Variants in MAGED1 observed in about 807,000 individuals in gnomAD.
MAGED1 encodes MAGE family member D1, also known as melanoma-associated antigen D1.
Under a neutral mutation model 54.1 loss-of-function variants are expected in MAGED1, and 3 were observed. The ratio of observed to expected loss-of-function variants is 0.06; its 90% CI spans 0.03 to 0.14. MAGED1 has a LOEUF of 0.14. Among genes scored for constraint, MAGED1 ranks in the 10% least tolerant of loss-of-function variants. The probability of loss-of-function intolerance (pLI) is 1.00; values close to 1 mark genes in which losing one functional copy is unlikely to be tolerated. For synonymous variants in MAGED1, 217 were observed against 227.3 expected, an observed-to-expected ratio of 0.95 and a Z score of 0.41; for missense variants, 485 against 623.4, an observed-to-expected ratio of 0.78 and a Z score of 2.36.
At chrX:51,888,994 C>G (rs942213240), upstream of MAGED1, among the ~76,000 whole-genome samples, 1 of 111,311 alleles carries the variant, frequency 9.0e-6, no homozygotes, top group African/African-American at 3.3e-5. Context: ...TTGGTTGTGA[C>G]TATAATGGGG....
chrX:51,864,278 T>C (rs1345752453), intron 1 of MAGED1, among the ~76,000 whole-genome samples: 2 of 111,197 alleles, frequency 1.8e-5, no homozygotes, highest in Non-Finnish European at 3.8e-5. Context: ...ACACCATTTG[T>C]TGAAGAAACT....
chrX:51,833,548 T>G (rs1926143952), intron 1 of MAGED1, among the ~76,000 whole-genome samples: 1 of 111,781 alleles, frequency 8.9e-6, no homozygotes, highest in African/African-American at 3.2e-5. Flanking sequence ...ATTCTTAATC[T>G]ATATAGGATA....
intron 1 of MAGED1, among the ~76,000 whole-genome samples, chrX:51,880,553 A>G (rs781917361): frequency 8.9e-6 from 1 of 111,899 alleles, no homozygotes; most frequent in South Asian, 3.8e-4. Context: ...GATAATACCC[A>G]TACCTGCAGA....
At chrX:51,888,277 T>C (rs190135882) in intron 1 of MAGED1, among the ~76,000 whole-genome samples, 1 of 111,739 alleles carries the variant, frequency 8.9e-6, no homozygotes, top group East Asian at 2.8e-4. Flanking sequence ...ATATACCTAC[T>C]ATGTACCCAC....
intron 1 of MAGED1, among the ~76,000 whole-genome samples, chrX:51,872,572 T>TTTACA (rs1387317780): frequency 1.8e-5 from 2 of 112,438 alleles, no homozygotes; most frequent in African/African-American, 6.5e-5. Flanking sequence ...TGTTTGAGTC[T>TTTACA]TTACAGTATC....
chrX:51,900,002 C>T (rs1230831161), intron 10 of MAGED1, 180 bp from the exon 11 acceptor site: 2 of 412,447 alleles, frequency 4.8e-6, no homozygotes, highest in East Asian at 4.5e-5. Flanking sequence ...GAGTGCTTAG[C>T]GTTCTAGTGC....
At chrX:51,868,793 G>A (rs1557361280) in intron 1 of MAGED1, among the ~76,000 whole-genome samples, 2 of 111,172 alleles carry the variant, frequency 1.8e-5, no homozygotes, top group Non-Finnish European at 1.9e-5. Flanking sequence ...TGGAAGATAG[G>A]TACATGATGG....
chrX:51,818,743 G>A (rs1925521822), intron 1 of MAGED1, among the ~76,000 whole-genome samples: 1 of 112,106 alleles, frequency 8.9e-6, no homozygotes, highest in Non-Finnish European at 1.9e-5. Flanking sequence ...ATTTTTACAG[G>A]TTCTTGAGCC....
At chrX:51,854,071 C>T (rs1189651025) in intron 1 of MAGED1, among the ~76,000 whole-genome samples, 1 of 111,674 alleles carries the variant, frequency 9.0e-6, no homozygotes, top group East Asian at 2.8e-4. Context: ...GTAAATGACT[C>T]GTGATTTTCT....
At chrX:51,810,506 T>C (rs1925181283) in intron 1 of MAGED1, among the ~76,000 whole-genome samples, 1 of 112,179 alleles carries the variant, frequency 8.9e-6, no homozygotes, top group Non-Finnish European at 1.9e-5. Context: ...CTTACTATCA[T>C]GTATCTGGTC....
intron 1 of MAGED1, among the ~76,000 whole-genome samples, chrX:51,811,467 C>G (rs1455621278): frequency 3.6e-5 from 4 of 111,838 alleles, no homozygotes; most frequent in Middle Eastern, 9.2e-3. Context: ...CTATGGTTTA[C>G]CAGTTGGGAA....
At chrX:51,888,680 C>T (rs181890940), upstream of MAGED1, among the ~76,000 whole-genome samples, 531 of 112,411 alleles carry the variant, frequency 4.7e-3, 3 homozygotes, top group African/African-American at 0.017. Flanking sequence ...TGTGTAGCAG[C>T]TTCATTCACA....
At chrX:51,847,150 C>T (rs929044169) in intron 1 of MAGED1, among the ~76,000 whole-genome samples, 3 of 111,824 alleles carry the variant, frequency 2.7e-5, no homozygotes, top group East Asian at 5.6e-4. Context: ...CATTTTACCA[C>T]ACTTTATTTC....
chrX:51,815,048 C>T (rs1041988693), intron 1 of MAGED1, among the ~76,000 whole-genome samples: 4 of 106,985 alleles, frequency 3.7e-5, no homozygotes, highest in Non-Finnish European at 5.8e-5. Flanking sequence ...GAGGCTGAGG[C>T]ATGAGAATCG....
intron 1 of MAGED1, among the ~76,000 whole-genome samples, chrX:51,833,442 G>A (rs1330411450): frequency 9.0e-6 from 1 of 111,073 alleles, no homozygotes; most frequent in Non-Finnish European, 1.9e-5. Context: ...TTTACATTAA[G>A]TACTACAGGG....
At chrX:51,811,229 C>T (rs1925206667) in intron 1 of MAGED1, among the ~76,000 whole-genome samples, 1 of 111,790 alleles carries the variant, frequency 8.9e-6, no homozygotes, top group African/African-American at 3.2e-5. Flanking sequence ...CTTCATCTCC[C>T]TTCATTCTTT....
At chrX:51,805,467 TG>T (rs1394616762) in intron 1 of MAGED1, among the ~76,000 whole-genome samples, 3 of 110,190 alleles carry the variant, frequency 2.7e-5, no homozygotes, top group Non-Finnish European at 5.7e-5. Context: ...TGTTTCTTAA[TG>T]AGAAATAAAA....
chrX:51,843,614 T>G (rs2146972491), intron 1 of MAGED1, among the ~76,000 whole-genome samples: 1 of 111,987 alleles, frequency 8.9e-6, no homozygotes, highest in African/African-American at 3.2e-5. Context: ...AGTAAATTTT[T>G]AGACTTTTTA....
chrX:51,845,976 A>C (rs1363403243), intron 1 of MAGED1, among the ~76,000 whole-genome samples: 5 of 110,298 alleles, frequency 4.5e-5, no homozygotes, highest in Non-Finnish European at 9.5e-5. Flanking sequence ...GGTTTTTGTC[A>C]TGTTGCCCAG....
Sources: allele counts gnomAD v4.1 joint callset (sites outside exome capture counted in the v4.1 genomes callset), GRCh38; gene constraint gnomAD v4.1.1; transcripts MANE v1.5; gene names NCBI Gene and HGNC (gene_info 2026-07-23, HGNC 2026-07-21).